The following FBXO11 variants were observed in gnomAD, a reference collection of about 807,000 sequenced individuals.
FBXO11 encodes the protein F-box only protein 11.
In FBXO11, 13 loss-of-function variants were observed where a neutral mutation model predicts 117.0. The observed-to-expected ratio is 0.11, with a 90% CI of 0.07 to 0.18. The LOEUF (loss-of-function observed/expected upper bound fraction) is 0.18, where lower values mean the gene tolerates loss of function less well. Ranked by LOEUF, FBXO11 falls within the 10% of genes least tolerant of loss-of-function variation. The pLI is 1.00. For synonymous variants in FBXO11, 490 were observed against 380.5 expected (o/e 1.29, Z -3.35); for missense variants, 767 against 1,164.4 (o/e 0.66, Z 4.97).
chr2:47,896,567 C>A lies in FBXO11; in HGVS notation c.232+8922G>T, dbSNP rs200887259. On this transcript the variant is annotated intron_variant, in intron 1 of 22. Coordinates refer to ENST00000403359, the MANE Select transcript of FBXO11 (RefSeq NM_001190274.2). Reference sequence around the variant, plus strand: ...CAGGTCTCAAACTCCTGGGCTCAAGCGATCCACCCCACCCAGCCTCCCAAA... The same window carrying A: ...CAGGTCTCAAACTCCTGGGCTCAAGAGATCCACCCCACCCAGCCTCCCAAA... Among the ~76,000 whole-genome samples, 29 of 152,168 alleles carry A rather than the reference C, an allele frequency of 1.9e-4. No homozygotes were observed. In the East Asian group the frequency reaches 5.6e-3, roughly 29 times the overall value.
At chr2:47,864,405 T>G (rs1315717610) in intron 1 of FBXO11, among the ~76,000 whole-genome samples, 2 of 152,138 alleles carry the variant, frequency 1.3e-5, no homozygotes, top group Non-Finnish European at 2.9e-5. Flanking sequence ...CTGGCCAACA[T>G]GGCAAAACCC....
chr2:47,897,833 A>G (rs1677793499), intron 1 of FBXO11, among the ~76,000 whole-genome samples: 1 of 152,144 alleles, frequency 6.6e-6, no homozygotes, highest in Non-Finnish European at 1.5e-5. Flanking sequence ...GATTATCACT[A>G]TTATCAGAAA....
At chr2:47,863,786 T>C (rs1410348064) in intron 1 of FBXO11, among the ~76,000 whole-genome samples, 1 of 151,930 alleles carries the variant, frequency 6.6e-6, no homozygotes, top group Non-Finnish European at 1.5e-5. Context: ...ACTAAAAATA[T>C]AAAAATAAGC....
chr2:47,820,881 G>C (rs1406301168), intron 13 of FBXO11, among the ~76,000 whole-genome samples: 1 of 152,200 alleles, frequency 6.6e-6, no homozygotes, highest in Non-Finnish European at 1.5e-5. Context: ...CTTTATGTAA[G>C]TATTAACCAG....
At chr2:47,836,691 T>G (rs1228062678) in intron 4 of FBXO11, among the ~76,000 whole-genome samples, 2 of 152,140 alleles carry the variant, frequency 1.3e-5, no homozygotes, top group African/African-American at 2.4e-5. Flanking sequence ...CAACAAAAAG[T>G]TTCAATTTCC....
At chr2:47,851,599 G>A (rs981744759) in intron 1 of FBXO11, among the ~76,000 whole-genome samples, 2 of 152,140 alleles carry the variant, frequency 1.3e-5, no homozygotes, top group African/African-American at 2.4e-5. Context: ...TCTAGTAGGG[G>A]AGTGAGATAT....
chr2:47,879,962 T>C (rs540154347), intron 1 of FBXO11, among the ~76,000 whole-genome samples: 38 of 152,292 alleles, frequency 2.5e-4, no homozygotes, highest in African/African-American at 8.2e-4. Context: ...TAATATTTCA[T>C]TGTATGTATA....
chr2:47,813,256 G>C lies in FBXO11; in HGVS notation c.2205C>G (p.Ile735Met). The C allele has an allele frequency of 1.2e-6, 2 of 1,613,502 alleles. No homozygotes were observed. Among genetic ancestry groups the C allele is most frequent in the Non-Finnish European group, 1.7e-6 (2 of 1,179,702 alleles). Residue 735 changes from isoleucine to methionine, a missense_variant, in exon 18 of 23, where the codon ATC becomes ATG. Physicochemically the swap from Ile to Met is conservative, Grantham distance 10. Around this residue, in one of 10 missense-constraint regions of FBXO11, gnomAD observed 42 missense variants for 216.8 expected, o/e 0.19. Coordinates refer to ENST00000403359, the MANE Select transcript of FBXO11 (RefSeq NM_001190274.2). Reference sequence around the variant, plus strand: ...TACCTCGACCCCCATTAAATATACAGATGCCACCATCTCTTCCATCATGGA... The same window carrying C: ...TACCTCGACCCCCATTAAATATACACATGCCACCATCTCTTCCATCATGGA... ...NKIHDGRDGG[I>M]CIFNGGRGLL...
chr2:47,851,995 T>C (rs1242122359), intron 1 of FBXO11, among the ~76,000 whole-genome samples: 1 of 150,836 alleles, frequency 6.6e-6, no homozygotes, highest in Non-Finnish European at 1.5e-5. Context: ...ACCAATTTTT[T>C]TTTTTTTTTT....
At chr2:47,826,093 T>A (rs190054577) in intron 11 of FBXO11, among the ~76,000 whole-genome samples, 1 of 152,128 alleles carries the variant, frequency 6.6e-6, no homozygotes, top group Admixed American at 6.6e-5. Context: ...GAGTCTCACT[T>A]TGTCACCCAG....
At chr2:47,813,968 G>A (rs1670820209) in intron 16 of FBXO11, 101 bp from the exon 17 acceptor site, 2 of 884,152 alleles carry the variant, frequency 2.3e-6, no homozygotes, top group Non-Finnish European at 1.8e-6. Flanking sequence ...AAGTCACTTA[G>A]TAAGAATTAA....
chr2:47,848,091 T>C (rs1319357500), intron 1 of FBXO11, among the ~76,000 whole-genome samples: 5 of 151,274 alleles, frequency 3.3e-5, no homozygotes, highest in Admixed American at 1.3e-4. Context: ...ACCACTGCAC[T>C]CCAGCCTGGG....
chr2:47,841,240 C>A (rs538255771), intron 1 of FBXO11, among the ~76,000 whole-genome samples: 1 of 152,176 alleles, frequency 6.6e-6, no homozygotes, highest in East Asian at 1.9e-4. Flanking sequence ...GTAAATAACA[C>A]CAAATAAGCA....
At chr2:47,814,738 C>T (rs1670891786) in intron 16 of FBXO11, among the ~76,000 whole-genome samples, 2 of 152,196 alleles carry the variant, frequency 1.3e-5, no homozygotes, top group South Asian at 4.1e-4. Flanking sequence ...CTCTTCCTTT[C>T]ACGGAAGATT....
chr2:47,836,830 C>T (rs1434390114), intron 4 of FBXO11, among the ~76,000 whole-genome samples: 3 of 152,134 alleles, frequency 2.0e-5, no homozygotes, highest in Non-Finnish European at 4.4e-5. Context: ...GTTGCCCACA[C>T]TGGAGTGCAG....
At chr2:47,886,903 G>A (rs898539908) in intron 1 of FBXO11, among the ~76,000 whole-genome samples, 5 of 152,164 alleles carry the variant, frequency 3.3e-5, no homozygotes, top group Non-Finnish European at 5.9e-5. Flanking sequence ...ACTGAGCATA[G>A]TGGCACATGC....
chr2:47,905,025 A>G (rs369984864), intron 1 of FBXO11: 4 of 152,468 alleles, frequency 2.6e-5, no homozygotes, highest in African/African-American at 9.6e-5. Flanking sequence ...AACACAGAAA[A>G]GAGGGGGAAA....
At chr2:47,835,270 G>A (rs1049398111) in intron 5 of FBXO11, among the ~76,000 whole-genome samples, 27 of 152,158 alleles carry the variant, frequency 1.8e-4, no homozygotes, top group African/African-American at 6.3e-4. Flanking sequence ...ATCTCCAGCT[G>A]AGACTCACTC....
At chr2:47,869,286 C>G (rs1176602893) in intron 1 of FBXO11, among the ~76,000 whole-genome samples, 2 of 152,148 alleles carry the variant, frequency 1.3e-5, no homozygotes, top group African/African-American at 4.8e-5. Flanking sequence ...TCAAGAGACA[C>G]AATAATGATT....
Sources: gnomAD v4.1 joint callset for allele counts (sites outside exome capture counted in the v4.1 genomes callset) on GRCh38, gnomAD v4.1.1 for gene constraint, gnomAD v4.1.1 regional missense constraint, MANE v1.5 for transcripts, NCBI Gene and HGNC (gene_info 2026-07-23, HGNC 2026-07-21) for gene names.